Variants in CHST10 observed in about 807,000 individuals in gnomAD.
CHST10 encodes carbohydrate sulfotransferase 10, also known as HNK-1 sulfotransferase.
CHST10 carries 24 observed loss-of-function variants against 34.7 expected under a neutral mutation model. The observed-to-expected ratio is 0.69, with a 90% CI of 0.50 to 0.97. CHST10 has a LOEUF of 0.97. CHST10 is among the 50% of genes least tolerant of loss of function. CHST10 has a pLI of 0.00. For synonymous variants in CHST10, 161 were observed against 169.3 expected (o/e 0.95, Z 0.38); for missense variants, 402 against 452.1 (o/e 0.89, Z 1.00).
At chr2:100,404,977 AC>A (rs368590415) in intron 3 of CHST10, among the ~76,000 whole-genome samples, 3 of 152,092 alleles carry the variant, frequency 2.0e-5, no homozygotes, top group East Asian at 3.9e-4. Context: ...ACTGGGCCCC[AC>A]CCCTAGTGAT....
intron 2 of CHST10, among the ~76,000 whole-genome samples, chr2:100,410,180 G>A (rs938113977): frequency 1.3e-5 from 2 of 152,258 alleles, no homozygotes; most frequent in Admixed American, 1.3e-4. Flanking sequence ...AGTCACTGCG[G>A]GGTCCAGGAG....
rs1333455631 is a variant in CHST10, at chr2:100,415,059, C to CAA, written c.-52_-51insTT. On this transcript the variant is annotated 5_prime_UTR_variant, in exon 2 of 7. An upstream open reading frame in the 5' UTR loses its in-frame stop. Transcript: ENST00000264249. ...CACGTACCTTCTGCAGCCTGGGGCT[C>CAA]ACATTTCCTTGCTGTGTTTCCCCTG... 5 of 1,303,530 alleles carry CAA rather than the reference C, an allele frequency of 3.8e-6. No homozygotes were observed. The Admixed American group carries it at 1.2e-4, about 30-fold the overall frequency. The allele number at this position is 1,303,530 out of a possible 1,614,324, so 80.7% of individuals were successfully genotyped here.
chr2:100,410,471 CCATG>C (rs573107157), intron 2 of CHST10, among the ~76,000 whole-genome samples: 444 of 152,312 alleles, frequency 2.9e-3, no homozygotes, highest in African/African-American at 0.01. Context: ...GCCTGGCGCA[CCATG>C]AGCCAACAAT....
intron 2 of CHST10, among the ~76,000 whole-genome samples, chr2:100,407,041 G>A (rs956524468): frequency 1.3e-5 from 2 of 152,220 alleles, no homozygotes; most frequent in Non-Finnish European, 2.9e-5. Context: ...TAAGGTCCCA[G>A]TGAGCTCCCA....
chr2:100,397,884 G>A, intron 5 of CHST10, 24 bp downstream of exon 5: 1 of 1,575,260 alleles, frequency 6.3e-7, no homozygotes, highest in Non-Finnish European at 8.7e-7. Context: ...CTTCCCAGTG[G>A]ACATTCAGTA....
chr2:100,393,843 C>T lies in CHST10; in HGVS notation c.534-61G>A, dbSNP rs375782484. Reference sequence around the variant, plus strand: ...CCACAGGAGGTCACAGCTGAGGGGGCGGGAGAGGGAAGAATGAGCGGAGTG... The same window carrying T: ...CCACAGGAGGTCACAGCTGAGGGGGTGGGAGAGGGAAGAATGAGCGGAGTG... On this transcript the variant is annotated intron_variant, in intron 6 of 6. Transcript: ENST00000264249. The T allele has an allele frequency of 7.1e-5, 99 of 1,396,942 alleles. 1 individual carries two copies. In the African/African-American group the frequency reaches 9.1e-4, roughly 13 times the overall value. The allele number at this position is 1,396,942 out of a possible 1,614,324, so 86.5% of individuals were successfully genotyped here.
chr2:100,398,648 G>A (rs1237155584), intron 4 of CHST10, among the ~76,000 whole-genome samples: 1 of 152,206 alleles, frequency 6.6e-6, no homozygotes, highest in Non-Finnish European at 1.5e-5. Context: ...AGGTTGCAGT[G>A]AGCCTAAGAT....
chr2:100,411,469 A>C (rs1675839398), intron 2 of CHST10, among the ~76,000 whole-genome samples: 1 of 152,168 alleles, frequency 6.6e-6, no homozygotes. Flanking sequence ...ACATGAGCCA[A>C]TCAGAACCAG....
At position 100,393,143 on chromosome 2, in the gene CHST10, C is replaced by T; in HGVS notation, c.*102G>A. 7.5e-7 allele frequency: 1 copy of T among 1,338,762 alleles called. No homozygotes were observed. The highest frequency in any genetic ancestry group is 1.0e-6 in the Non-Finnish European group (1 of 963,624). 82.9% of individuals were successfully genotyped at this position (1,338,762 alleles called of 1,614,324 possible). On this transcript the variant is annotated 3_prime_UTR_variant, in exon 7 of 7. Transcript: ENST00000264249. Reference sequence around the variant, plus strand: ...GCCTGTGGGAGACCCCGGGCGTCCTCAAAGGAGGGGTGTGGTGGAGGAAGG... The same window carrying T: ...GCCTGTGGGAGACCCCGGGCGTCCTTAAAGGAGGGGTGTGGTGGAGGAAGG...
chr2:100,395,870 A>G (rs1206623943), intron 5 of CHST10, among the ~76,000 whole-genome samples: 1 of 152,214 alleles, frequency 6.6e-6, no homozygotes, highest in African/African-American at 2.4e-5. Flanking sequence ...GGGAGGGAGC[A>G]GGAGTGGAAA....
intron 1 of CHST10, chr2:100,416,998 ACATGCTCCTTCTTCCCTGCCTTCCTCTG>A: frequency 7.7e-7 from 1 of 1,304,310 alleles, no homozygotes; most frequent in Non-Finnish European, 1.0e-6. Flanking sequence ...CCGAAGCTGC[ACATGCTCCTTCTTCCCTGCCTTCCTCTG>A]CATGCTCCTT....
chr2:100,411,155 C>T (rs563311928), intron 2 of CHST10, among the ~76,000 whole-genome samples: 1 of 136,204 alleles, frequency 7.3e-6, no homozygotes, highest in South Asian at 2.3e-4. Flanking sequence ...GTCTCTCTGT[C>T]ACCCCGGCTG....
intron 3 of CHST10, 108 bp downstream of exon 3, chr2:100,406,468 G>T (rs1158601075): frequency 2.8e-6 from 4 of 1,423,338 alleles, no homozygotes; most frequent in Non-Finnish European, 3.8e-6. Context: ...CTGCTGGCAT[G>T]AAAGTCCTTT....
intron 4 of CHST10, among the ~76,000 whole-genome samples, chr2:100,399,099 T>A (rs1048155964): frequency 7.9e-6 from 1 of 127,058 alleles, no homozygotes; most frequent in African/African-American, 2.7e-5. Context: ...TCTCTCTCTC[T>A]CTCTTTTTTT....
chr2:100,398,503 A>T (rs1573178158), intron 4 of CHST10, among the ~76,000 whole-genome samples: 1 of 152,210 alleles, frequency 6.6e-6, no homozygotes, highest in Non-Finnish European at 1.5e-5. Flanking sequence ...CAGGAGTTCG[A>T]GATCAGCCTG....
intron 5 of CHST10, 98 bp from the exon 6 acceptor site, chr2:100,395,712 C>A: frequency 1.1e-6 from 1 of 876,330 alleles, no homozygotes; most frequent in South Asian, 1.6e-5. Context: ...GCCTCATGTT[C>A]CCCACGTGTG....
chr2:100,399,949 G>A (rs1378995521), intron 4 of CHST10, among the ~76,000 whole-genome samples: 4 of 152,162 alleles, frequency 2.6e-5, no homozygotes, highest in African/African-American at 4.8e-5. Context: ...CAGGAGCCAC[G>A]CCAGGCACTC....
At chr2:100,404,313 C>T (rs1359408218) in intron 3 of CHST10, among the ~76,000 whole-genome samples, 1 of 152,122 alleles carries the variant, frequency 6.6e-6, no homozygotes, top group African/African-American at 2.4e-5. Flanking sequence ...GCAGCACTCC[C>T]ATCTCAGTGA....
intron 5 of CHST10, among the ~76,000 whole-genome samples, chr2:100,396,631 G>A (rs538580173): frequency 1.3e-5 from 2 of 152,270 alleles, no homozygotes; most frequent in African/African-American, 2.4e-5. Flanking sequence ...GGCGTGGGGA[G>A]CACTGCTCTC....
Sources: gnomAD v4.1 joint callset for allele counts (sites outside exome capture counted in the v4.1 genomes callset) on GRCh38, gnomAD v4.1.1 for gene constraint, MANE v1.5 for transcripts, NCBI Gene and HGNC (gene_info 2026-07-23, HGNC 2026-07-21) for gene names.